TRIM56: variants seen among roughly 807,000 people sequenced by gnomAD.
TRIM56 encodes tripartite motif containing 56.
In TRIM56, 10 loss-of-function variants were observed where a neutral mutation model predicts 17.1. That is an observed-to-expected ratio of 0.58 (90% CI 0.36 to 0.99). The LOEUF (loss-of-function observed/expected upper bound fraction) is 0.99. TRIM56 is among the 50% of genes least tolerant of loss of function. The pLI is 0.01. For synonymous variants in TRIM56, 503 were observed against 473.5 expected (o/e 1.06, Z -0.81); for missense variants, 923 against 1,052.3 (o/e 0.88, Z 1.70).
In TRIM56 at chr7:101,095,518, T is replaced by G. The variant is rs1198425083; in HGVS notation, c.*5938T>G. 6.6e-6 allele frequency: 1 copy of G among 152,200 alleles called. No individual in the cohort carries two copies. The highest frequency in any genetic ancestry group is 2.4e-5 in the African/African-American group (1 of 41,408). 9.4% of individuals were successfully genotyped at this position (152,200 alleles called of 1,614,324 possible). A position where few individuals can be genotyped will look rare whatever the true frequency, so the allele number is the denominator to read the frequency against. Reference sequence around the variant, plus strand: ...GCTCTCCGGAGTTGCATGGGAGCCATGGGCAGTGGTCCTGGCTGGTGAAAT... The same window carrying G: ...GCTCTCCGGAGTTGCATGGGAGCCAGGGGCAGTGGTCCTGGCTGGTGAAAT... On this transcript the variant is annotated 3_prime_UTR_variant, in exon 3 of 3. Transcript: ENST00000306085.
In TRIM56 at chr7:101,096,875, C is replaced by G. The variant is rs1304207011; in HGVS notation, c.*7295C>G. ...ACAGTGACTTCAGGAATAGAAGGGA[C>G]CAATGGCCAGCTTGCTGAAATGTAA... On this transcript the variant is annotated 3_prime_UTR_variant, in exon 3 of 3. Transcript: ENST00000306085. 6.6e-6 allele frequency: 1 copy of G among 152,170 alleles called. No individual in the cohort carries two copies. Among genetic ancestry groups the G allele is most frequent in the Non-Finnish European group, 1.5e-5 (1 of 68,042 alleles). The allele number at this position is 152,170 out of a possible 1,614,324, so 9.4% of individuals were successfully genotyped here. A position where few individuals can be genotyped will look rare whatever the true frequency, so the allele number is the denominator to read the frequency against.
chr7:101,086,886 G>A, intron 1 of TRIM56, 120 bp from the exon 2 acceptor site: 1 of 182,564 alleles, frequency 5.5e-6, no homozygotes, highest in Non-Finnish European at 1.1e-5. Context: ...ACCCTATACA[G>A]CAGGACCCCA....
rs6948536 is a variant in TRIM56 at position 101,088,548 on chromosome 7, T to A, written c.1236T>A (p.Ala412=). ...TERQGGVQPQ[A]GDGAQTPKEE... is the part of the protein sequence containing the mutation. The stretch of plus-strand genomic sequence containing the variant: ...GACAGGGTGGAGTCCAGCCCCAGGC[T>A]GGAGATGGAGCCCAGACCCCAAAAG... The change falls in exon 3 of 3, where the codon GCT becomes GCA. Residue 412 remains alanine, a synonymous_variant. Coordinates refer to ENST00000306085, the MANE Select transcript of TRIM56 (RefSeq NM_030961.3). The A allele has an allele frequency of 1.2e-6, 2 of 1,613,554 alleles. No individual in the cohort carries two copies. The highest frequency in any genetic ancestry group is 1.7e-6 in the Non-Finnish European group (2 of 1,179,914).
Position 101,088,667 on chromosome 7 carries a change from A to T in TRIM56, c.1355A>T (p.His452Leu). Reference sequence around the variant, plus strand: ...CACGAGGATGGAGGACCCCAGCCCCACAGGGGTGGCAGACCCAACAAGAAG... The same window carrying T: ...CACGAGGATGGAGGACCCCAGCCCCTCAGGGGTGGCAGACCCAACAAGAAG... ...TPHEDGGPQP[H>L]RGGRPNKKKK... Residue 452 changes from histidine (H) to leucine (L), a missense_variant, in exon 3 of 3, where the codon CAC becomes CTC. By Grantham distance (99) the His-to-Leu change is moderately conservative. Transcript: ENST00000306085. 6.2e-7 allele frequency: 1 copy of T among 1,614,042 alleles called. No homozygotes were observed. Among genetic ancestry groups the T allele is most frequent in the Non-Finnish European group, 8.5e-7 (1 of 1,179,936 alleles).
rs1562841251 is a variant in TRIM56 at position 101,093,804 on chromosome 7, T to G, written c.*4224T>G. The G allele has an allele frequency of 1.3e-5, 2 of 152,190 alleles. No homozygotes were observed. 9.4% of individuals were successfully genotyped at this position (152,190 alleles called of 1,614,324 possible). A position where few individuals can be genotyped will look rare whatever the true frequency, so the allele number is the denominator to read the frequency against. On this transcript the variant is annotated 3_prime_UTR_variant, in exon 3 of 3. Transcript: ENST00000306085. ...GAGTTCACCCCATTGCACTCCAGCCTGGGTGTCACAGTGAGACTCTGTCTC... is the reference window on the plus strand; with the variant it reads ...GAGTTCACCCCATTGCACTCCAGCCGGGGTGTCACAGTGAGACTCTGTCTC...
rs888558642 is a variant in TRIM56, at chr7:101,092,215, C to T, written c.*2635C>T. ...AGCCTCTGCCCGGCCGCCACCCCCT[C>T]TGGGAAGTGCGGAGTGTCTCTGCCT... On this transcript the variant is annotated 3_prime_UTR_variant, in exon 3 of 3. Coordinates refer to ENST00000306085, the MANE Select transcript of TRIM56 (RefSeq NM_030961.3). 9.6e-6 allele frequency: 2 copies of T among 208,168 alleles called. No individual in the cohort carries two copies. The highest frequency in any genetic ancestry group is 4.8e-5 in the African/African-American group (2 of 41,930). The allele number at this position is 208,168 out of a possible 1,614,324, so 12.9% of individuals were successfully genotyped here.
At position 101,088,037 on chromosome 7, in the gene TRIM56, C is replaced by T; in HGVS notation, c.725C>T (p.Ala242Val). 6.5e-7 allele frequency: 1 copy of T among 1,546,904 alleles called. No homozygotes were observed. Among genetic ancestry groups the T allele is most frequent in the Non-Finnish European group, 8.7e-7 (1 of 1,150,860 alleles). Reference sequence around the variant, plus strand: ...CGGAGGGTGGAGAAGGAGGCGCTAGCCCGGCTGCGGGAGCAGGCGGCCCGG... The same window carrying T: ...CGGAGGGTGGAGAAGGAGGCGCTAGTCCGGCTGCGGGAGCAGGCGGCCCGG... Reference protein sequence around the residue: ...AARRVEKEALARLREQAARVG... With the variant: ...AARRVEKEALVRLREQAARVG... The change falls in exon 3 of 3, where the codon GCC becomes GTC. Residue 242 changes from alanine to valine, a missense_variant. Physicochemically the swap from Ala to Val is moderately conservative, Grantham distance 64 (BLOSUM62 0). Coordinates refer to ENST00000306085, the MANE Select transcript of TRIM56 (RefSeq NM_030961.3).
chr7:101,085,984 C>T (rs555163215), intron 1 of TRIM56, among the ~76,000 whole-genome samples: 5 of 152,322 alleles, frequency 3.3e-5, no homozygotes, highest in East Asian at 1.9e-4. Flanking sequence ...GAGCCAGCAG[C>T]GGGAAGGGGA....
rs1322377804 is a variant in TRIM56, at chr7:101,091,781, T to C, written c.*2201T>C. On this transcript the variant is annotated 3_prime_UTR_variant, in exon 3 of 3. Transcript: ENST00000306085. ...ACCAAGGTCCCTCTCCCTCTCCCTC[T>C]CCCCACGGTCTCCCTCTGCCTCTCT... 2.3e-6 allele frequency: 1 copy of C among 444,404 alleles called. No homozygotes were observed. The highest frequency in any genetic ancestry group is 4.5e-6 in the Non-Finnish European group (1 of 224,084). The allele number at this position is 444,404 out of a possible 1,614,324, so 27.5% of individuals were successfully genotyped here. A position where few individuals can be genotyped will look rare whatever the true frequency, so the allele number is the denominator to read the frequency against.
rs543526288 is a variant in TRIM56, at chr7:101,092,521, C to T, written c.*2941C>T. ...GAGCCCCTCCGCCTGGCAGCCGCCC[C>T]GTCTGAGAAGTGAGGAGCCCCTCCG... On this transcript the variant is annotated 3_prime_UTR_variant, in exon 3 of 3. Transcript: ENST00000306085. The T allele has an allele frequency of 0.012, 1,972 of 167,236 alleles. 54 individuals carry two copies. Among genetic ancestry groups the T allele is most frequent in the African/African-American group, 0.047 (1,839 of 39,324 alleles). 10.4% of individuals were successfully genotyped at this position (167,236 alleles called of 1,614,324 possible).
chr7:101,088,004 A>G lies in TRIM56; in HGVS notation c.692A>G (p.Glu231Gly). 1 of 1,581,900 alleles carries G rather than the reference A, an allele frequency of 6.3e-7. No homozygotes were observed. Among genetic ancestry groups the G allele is most frequent in the Non-Finnish European group, 8.5e-7 (1 of 1,170,846 alleles). The change falls in exon 3 of 3, where the codon GAG (glutamate) becomes GGG (glycine). Residue 231 changes from glutamate to glycine, a missense_variant. Coordinates refer to ENST00000306085, the MANE Select transcript of TRIM56 (RefSeq NM_030961.3). ...GTGGACAATAACCTGGTGGAGCTGGAGGCAGCGCGGAGGGTGGAGAAGGAG... is the reference window on the plus strand; with the variant it reads ...GTGGACAATAACCTGGTGGAGCTGGGGGCAGCGCGGAGGGTGGAGAAGGAG... ...AGVDNNLVEL[E>G]AARRVEKEAL...
rs746284659 is a variant in TRIM56 at position 101,088,671 on chromosome 7, G to A, written c.1359G>A (p.Arg453=). The A allele has an allele frequency of 1.9e-6, 3 of 1,614,054 alleles. No individual in the cohort carries two copies. The highest frequency in any genetic ancestry group is 1.7e-5 in the Admixed American group (1 of 60,020). Residue 453 remains arginine, a synonymous_variant, in exon 3 of 3, where the codon AGG becomes AGA. Coordinates refer to ENST00000306085, the MANE Select transcript of TRIM56 (RefSeq NM_030961.3). ...PHEDGGPQPH[R]GGRPNKKKKF... is the part of the protein sequence containing the mutation. ...AGGATGGAGGACCCCAGCCCCACAG[G>A]GGTGGCAGACCCAACAAGAAGAAAA...
In TRIM56 at chr7:101,089,035, C is replaced by T. The variant is rs557322263; in HGVS notation, c.1723C>T (p.Pro575Ser). The change falls in exon 3 of 3, where the codon CCC becomes TCC. Residue 575 changes from proline (P) to serine (S), a missense_variant. Coordinates refer to ENST00000306085, the MANE Select transcript of TRIM56 (RefSeq NM_030961.3). The part of the protein sequence containing the change: ...SASARLYLIN[P>S]NGEVQWRRAL... ...TAGCGCACGGCTCTATCTCATCAAC[C>T]CCAACGGCGAAGTGCAGTGGCGCAG... 5.6e-6 allele frequency: 9 copies of T among 1,603,782 alleles called. No individual in the cohort carries two copies. In the East Asian group the frequency reaches 2.0e-4, roughly 36 times the overall value.
In TRIM56 at chr7:101,085,488, T is replaced by C. The variant is rs1180423940; in HGVS notation, c.-248T>C. 2 of 152,554 alleles carry C rather than the reference T, an allele frequency of 1.3e-5. No homozygotes were observed. Among genetic ancestry groups the C allele is most frequent in the Non-Finnish European group, 2.9e-5 (2 of 68,368 alleles). 9.5% of individuals were successfully genotyped at this position (152,554 alleles called of 1,614,324 possible). ...ACAAGTACAATTAGTTTCAGTTTTG[T>C]TTCTTTTCCAGGCACCCAGCAACGG... On this transcript the variant is annotated 5_prime_UTR_variant, in exon 1 of 3. Coordinates refer to ENST00000306085, the MANE Select transcript of TRIM56 (RefSeq NM_030961.3).
rs191502436 is a variant in TRIM56 at position 101,091,774 on chromosome 7, C to T, written c.*2194C>T. On this transcript the variant is annotated 3_prime_UTR_variant, in exon 3 of 3. Coordinates refer to ENST00000306085, the MANE Select transcript of TRIM56 (RefSeq NM_030961.3). ...AAAGAAAACCAAGGTCCCTCTCCCT[C>T]TCCCTCTCCCCACGGTCTCCCTCTG... The T allele has an allele frequency of 1.5e-4, 66 of 447,056 alleles. No homozygotes were observed. Among genetic ancestry groups the T allele is most frequent in the African/African-American group, 1.1e-3 (55 of 48,932 alleles). 27.7% of individuals were successfully genotyped at this position (447,056 alleles called of 1,614,324 possible). A position where few individuals can be genotyped will look rare whatever the true frequency, so the allele number is the denominator to read the frequency against.
At position 101,092,228 on chromosome 7, in the gene TRIM56, A is replaced by AGC. The variant is rs1235584443; in HGVS notation, c.*2649_*2650insCG. ...CCGCCACCCCCTCTGGGAAGTGCGGAGTGTCTCTGCCTGGCCGCCCATTGT... is the reference window on the plus strand; with the variant it reads ...CCGCCACCCCCTCTGGGAAGTGCGGAGCGTGTCTCTGCCTGGCCGCCCATTGT... On this transcript the variant is annotated 3_prime_UTR_variant, in exon 3 of 3. Coordinates refer to ENST00000306085, the MANE Select transcript of TRIM56 (RefSeq NM_030961.3). 20 of 197,378 alleles carry AGC rather than the reference A, an allele frequency of 1.0e-4. No homozygotes were observed. Among genetic ancestry groups the AGC allele is most frequent in the Non-Finnish European group, 2.1e-4 (20 of 96,120 alleles). 12.2% of individuals were successfully genotyped at this position (197,378 alleles called of 1,614,324 possible).
intron 1 of TRIM56, among the ~76,000 whole-genome samples, chr7:101,086,137 C>G (rs1210271092): frequency 6.6e-6 from 1 of 152,182 alleles, no homozygotes; most frequent in Non-Finnish European, 1.5e-5. Context: ...GGTGCGGTGG[C>G]TCATGCCTGT....
rs769020481 is a variant in TRIM56, at chr7:101,089,109, C to T, written c.1797C>T (p.Ser599=). ...QASHAVAALP[S]GDRVAVSVAG... ...GCCACGCGGTGGCGGCACTGCCTAG[C>T]GGGGACCGCGTGGCTGTCAGCGTGG... is the stretch of plus-strand genomic sequence containing the variant. The change falls in exon 3 of 3, where the codon AGC becomes AGT. Residue 599 remains serine (S), a synonymous_variant. Coordinates refer to ENST00000306085, the MANE Select transcript of TRIM56 (RefSeq NM_030961.3). 4.4e-6 allele frequency: 7 copies of T among 1,604,342 alleles called. No individual in the cohort carries two copies. The highest frequency in any genetic ancestry group is 2.2e-5 in the South Asian group (2 of 90,836).
Position 101,096,515 on chromosome 7 carries a change from G to A in TRIM56, c.*6935G>A, listed in dbSNP as rs567903870. 1 of 152,328 alleles carries A rather than the reference G, an allele frequency of 6.6e-6. No homozygotes were observed. The highest frequency in any genetic ancestry group is 2.4e-5 in the African/African-American group (1 of 41,572). 9.4% of individuals were successfully genotyped at this position (152,328 alleles called of 1,614,324 possible). A position where few individuals can be genotyped will look rare whatever the true frequency, so the allele number is the denominator to read the frequency against. Reference sequence around the variant, plus strand: ...TGGTCTAGTGCCTTAACCTCTCTGAGCCTCAGTTTGTACATCAGTAACATT... The same window carrying A: ...TGGTCTAGTGCCTTAACCTCTCTGAACCTCAGTTTGTACATCAGTAACATT... On this transcript the variant is annotated 3_prime_UTR_variant, in exon 3 of 3. Coordinates refer to ENST00000306085, the MANE Select transcript of TRIM56 (RefSeq NM_030961.3).
Sources: allele counts gnomAD v4.1 joint callset (sites outside exome capture counted in the v4.1 genomes callset), GRCh38; gene constraint gnomAD v4.1.1; transcripts MANE v1.5; gene names NCBI Gene and HGNC (gene_info 2026-07-23, HGNC 2026-07-21).